Variants in VAPA observed in about 807,000 individuals in gnomAD.
VAPA encodes VAMP associated protein A.
In VAPA, 6 loss-of-function variants were observed where a neutral mutation model predicts 25.6. That is an observed-to-expected ratio of 0.23 (90% confidence interval 0.13 to 0.46). VAPA has a LOEUF of 0.46. Among genes scored for constraint, VAPA ranks in the 20% least tolerant of loss-of-function variants. VAPA has a pLI of 0.99. For synonymous variants in VAPA, 112 were observed against 106.2 expected (o/e 1.05, Z -0.34); for missense variants, 244 against 302.1 (o/e 0.81, Z 1.43).
intron 1 of VAPA, among the ~76,000 whole-genome samples, chr18:9,917,896 A>G (rs1021177297): frequency 6.6e-6 from 1 of 152,192 alleles, no homozygotes; most frequent in East Asian, 1.9e-4. Context: ...CCCAGTGGCT[A>G]TACAAAACGC....
intron 1 of VAPA, among the ~76,000 whole-genome samples, chr18:9,918,251 G>C: frequency 6.6e-6 from 1 of 152,138 alleles, no homozygotes; most frequent in South Asian, 2.1e-4. Flanking sequence ...AAATACACCA[G>C]AGTCTTTGAT....
At position 9,954,692 on chromosome 18, in the gene VAPA, C is replaced by T. The variant is rs1316354586; in HGVS notation, c.*481C>T. The T allele has an allele frequency of 6.5e-6, 1 of 152,866 alleles. No homozygotes were observed. The highest frequency in any genetic ancestry group is 1.5e-5 in the Non-Finnish European group (1 of 68,382). 9.5% of individuals were successfully genotyped at this position (152,866 alleles called of 1,614,324 possible). On this transcript the variant is annotated 3_prime_UTR_variant, in exon 6 of 6. Coordinates refer to ENST00000400000, the MANE Select transcript of VAPA (RefSeq NM_194434.3). ...ACAGTGTAAATTTTTCCTCCTTTAC[C>T]TTTGCTAATATCATGGCAGAATTTT...
At chr18:9,914,900 C>CG (rs1265872905) in intron 1 of VAPA, 1 of 152,526 alleles carries the variant, frequency 6.6e-6, no homozygotes, top group African/African-American at 2.4e-5. Context: ...TGCCCCGGCC[C>CG]GGGGAGAGCT....
chr18:9,954,245 T>A lies in VAPA; in HGVS notation c.*34T>A. ...ATGCAGAGTGCTGTTTCTTTTTTTT[T>A]TTTTCTCTTGACCAGAAAAAGATTT... On this transcript the variant is annotated 3_prime_UTR_variant, in exon 6 of 6. Transcript: ENST00000400000. 6.4e-7 allele frequency: 1 copy of A among 1,563,822 alleles called. No individual in the cohort carries two copies. The highest frequency in any genetic ancestry group is 2.2e-5 in the East Asian group (1 of 44,666).
chr18:9,934,945 A>T lies in VAPA; in HGVS notation c.233-1165A>T, dbSNP rs529721990. On this transcript the variant is annotated intron_variant, in intron 2 of 5. Coordinates refer to ENST00000400000, the MANE Select transcript of VAPA (RefSeq NM_194434.3). ...CCGTCTCTACTAAAAATACAAAAAA[A>T]TTAGCCGGGCATGGTGGCAGGCGCC... is the stretch of plus-strand genomic sequence containing the variant. Among the ~76,000 whole-genome samples, 18 of 152,150 alleles carry T rather than the reference A, an allele frequency of 1.2e-4. No homozygotes were observed. The South Asian group carries it at 3.7e-3, about 32-fold the overall frequency.
chr18:9,939,090 T>A (rs2069340108), intron 4 of VAPA, among the ~76,000 whole-genome samples: 1 of 152,224 alleles, frequency 6.6e-6, no homozygotes, highest in African/African-American at 2.4e-5. Flanking sequence ...CCAGACAGCA[T>A]TAAAACTTGT....
At chr18:9,942,966 T>G (rs1299379339) in intron 4 of VAPA, among the ~76,000 whole-genome samples, 1 of 152,156 alleles carries the variant, frequency 6.6e-6, no homozygotes, top group Non-Finnish European at 1.5e-5. Flanking sequence ...ACCCCACTTG[T>G]GTGAGGATTT....
intron 1 of VAPA, among the ~76,000 whole-genome samples, chr18:9,930,884 A>G (rs780764251): frequency 1.3e-5 from 2 of 152,076 alleles, no homozygotes; most frequent in Non-Finnish European, 2.9e-5. Flanking sequence ...GCATAAAATC[A>G]TTTTGCTTCT....
chr18:9,946,093 T>G (rs1191296016), intron 4 of VAPA, among the ~76,000 whole-genome samples: 1 of 152,200 alleles, frequency 6.6e-6, no homozygotes, highest in Admixed American at 6.5e-5. Context: ...AGTTCCCTCT[T>G]TTTCTAATTA....
rs147472220 is a variant in VAPA at position 9,958,665 on chromosome 18, T to C, written c.*4454T>C. 3 of 152,064 alleles carry C rather than the reference T, an allele frequency of 2.0e-5. No homozygotes were observed. The highest frequency in any genetic ancestry group is 4.8e-5 in the African/African-American group (2 of 41,402). 9.4% of individuals were successfully genotyped at this position (152,064 alleles called of 1,614,324 possible). On this transcript the variant is annotated 3_prime_UTR_variant, in exon 6 of 6. Transcript: ENST00000400000. The stretch of plus-strand genomic sequence containing the variant: ...GGTTTTTAAATGCCAAAGGCAGATA[T>C]GAAGTAGATTTAATTAAGACTTGAC...
chr18:9,921,713 A>G (rs562691542), intron 1 of VAPA, among the ~76,000 whole-genome samples: 3 of 152,222 alleles, frequency 2.0e-5, no homozygotes, highest in Non-Finnish European at 4.4e-5. Context: ...TTTTGATCAT[A>G]AAGTTAGTTT....
rs2069579368 is a variant in VAPA at position 9,958,992 on chromosome 18, G to A, written c.*4781G>A. On this transcript the variant is annotated 3_prime_UTR_variant, in exon 6 of 6. Transcript: ENST00000400000. ...AAAGGTGGTTTTCAAGTATAATGTC[G>A]TTTTCAACATGCTTATTACTTAGTT... 6.6e-6 allele frequency: 1 copy of A among 152,110 alleles called. No homozygotes were observed. The highest frequency in any genetic ancestry group is 2.4e-5 in the African/African-American group (1 of 41,412). 9.4% of individuals were successfully genotyped at this position (152,110 alleles called of 1,614,324 possible). A position where few individuals can be genotyped will look rare whatever the true frequency, so the allele number is the denominator to read the frequency against.
chr18:9,942,673 C>T (rs1192155619), intron 4 of VAPA, among the ~76,000 whole-genome samples: 2 of 152,108 alleles, frequency 1.3e-5, no homozygotes, highest in Non-Finnish European at 2.9e-5. Context: ...AACTTCTAGT[C>T]ATGGTGGAGG....
intron 1 of VAPA, among the ~76,000 whole-genome samples, chr18:9,930,525 C>G (rs143945569): frequency 4.6e-5 from 7 of 152,164 alleles, no homozygotes; most frequent in African/African-American, 1.7e-4. Context: ...TCTTTACTCT[C>G]ATACTAGTTT....
intron 1 of VAPA, 145 bp from the exon 2 acceptor site, chr18:9,931,665 G>C (rs2069256379): frequency 3.6e-6 from 2 of 560,784 alleles, no homozygotes; most frequent in South Asian, 6.9e-5. Context: ...CTCGAGAAAG[G>C]CAGTGTTAGT....
chr18:9,945,128 G>C, intron 4 of VAPA: 1 of 1,526,314 alleles, frequency 6.6e-7, no homozygotes, highest in South Asian at 1.2e-5. Context: ...TAGATACCTA[G>C]CAGATAAGTG....
chr18:9,949,421 CTTTGAACAATCTGT>C (rs1478912521), intron 4 of VAPA: 3 of 152,066 alleles, frequency 2.0e-5, no homozygotes, highest in African/African-American at 7.2e-5. Flanking sequence ...AAGTTTTGCC[CTTTGAACAATCTGT>C]TTATACTTAA....
intron 4 of VAPA, chr18:9,949,555 C>T (rs1258241026): frequency 6.6e-6 from 1 of 151,974 alleles, no homozygotes; most frequent in East Asian, 1.9e-4. Flanking sequence ...TCTTTTTTAG[C>T]AGTTTATAGC....
rs368405407 is a variant in VAPA at position 9,915,441 on chromosome 18, AT to A, written c.79+1114del. ...AGAGAGTTAAAATGTACAGATTTTT[AT>A]TTTTTTTCTTTGTTTTTAAGGAATA... On this transcript the variant is annotated intron_variant, in intron 1 of 5. Coordinates refer to ENST00000400000, the MANE Select transcript of VAPA (RefSeq NM_194434.3). Among the ~76,000 whole-genome samples, 469 of 151,974 alleles carry A rather than the reference AT, an allele frequency of 3.1e-3. 6 individuals carry two copies. Among genetic ancestry groups the A allele is most frequent in the African/African-American group, 0.01 (432 of 41,430 alleles).
Sources: gnomAD v4.1 joint callset for allele counts (sites outside exome capture counted in the v4.1 genomes callset) on GRCh38, gnomAD v4.1.1 for gene constraint, MANE v1.5 for transcripts, NCBI Gene and HGNC (gene_info 2026-07-23, HGNC 2026-07-21) for gene names.